Variants in IRGM observed in about 807,000 individuals in gnomAD.
The protein encoded by IRGM is immunity-related GTPase family M protein.
For synonymous variants in IRGM, 98 were observed against 80.6 expected, an observed-to-expected ratio of 1.22 and a Z score of -1.16; for missense variants, 288 against 219.9, an observed-to-expected ratio of 1.31 and a Z score of -1.96.
Position 150,847,863 on chromosome 5 carries a change from C to T in IRGM, c.-261C>T, listed in dbSNP as rs9637876. 60,330 of 421,450 alleles carry T rather than the reference C, an allele frequency of 0.14. 6,606 individuals carry two copies. Among genetic ancestry groups the T allele is most frequent in the East Asian group, 0.4 (8,895 of 22,008 alleles). The allele number at this position is 421,450 out of a possible 1,614,324, so 26.1% of individuals were successfully genotyped here. ...CTGTTGCCAGGCTGGAGTGCAATGG[C>T]GTGATCTCAGCTCACTGCAATATCT... On this transcript the variant is annotated 5_prime_UTR_variant, in exon 2 of 2. Coordinates refer to ENST00000522154, the MANE Select transcript of IRGM (RefSeq NM_001145805.2).
chr5:150,900,951 A>G (rs962318749), downstream of IRGM, among the ~76,000 whole-genome samples: 4 of 152,114 alleles, frequency 2.6e-5, no homozygotes, highest in Admixed American at 2.6e-4. Flanking sequence ...ATAGTACATA[A>G]TCAGTGAAAA....
At chr5:150,894,301 T>G (rs1754673575) in intron 3 of IRGM, 1 of 152,236 alleles carries the variant, frequency 6.6e-6, no homozygotes, top group South Asian at 2.1e-4. Flanking sequence ...CAGGCATTAC[T>G]TCTCACACCA....
At chr5:150,892,904 T>G (rs1040839175) in intron 3 of IRGM, among the ~76,000 whole-genome samples, 1 of 151,972 alleles carries the variant, frequency 6.6e-6, no homozygotes, top group Admixed American at 6.6e-5. Context: ...GCCACAATTT[T>G]CTTGTTTTGT....
intron 3 of IRGM, chr5:150,897,837 C>A: frequency 4.3e-6 from 2 of 461,972 alleles, no homozygotes. Flanking sequence ...CTTCTATTGC[C>A]TTTAAAACCC....
At chr5:150,850,019 T>C (rs1042324325), downstream of IRGM, among the ~76,000 whole-genome samples, 5 of 152,052 alleles carry the variant, frequency 3.3e-5, no homozygotes, top group Non-Finnish European at 7.4e-5. Flanking sequence ...ATATAGTAAA[T>C]AATGTTTCAG....
At chr5:150,896,311 A>G (rs532631577) in intron 3 of IRGM, 1 of 1,613,658 alleles carries the variant, frequency 6.2e-7, no homozygotes, top group South Asian at 1.1e-5. Context: ...ACAAGATGAA[A>G]CTTCTCACTG....
downstream of IRGM, among the ~76,000 whole-genome samples, chr5:150,850,048 G>C (rs899636598): frequency 6.6e-6 from 1 of 152,094 alleles, no homozygotes; most frequent in African/African-American, 2.4e-5. Flanking sequence ...CTGTATAGAT[G>C]GTAAAAGCAT....
chr5:150,882,001 A>G (rs1239651175), intron 3 of IRGM, among the ~76,000 whole-genome samples: 3 of 152,030 alleles, frequency 2.0e-5, no homozygotes, highest in Non-Finnish European at 2.9e-5. Flanking sequence ...GAGAAACATA[A>G]TGAAGCACTG....
chr5:150,854,474 A>T (rs1396349318), intron 1 of IRGM, among the ~76,000 whole-genome samples: 1 of 152,132 alleles, frequency 6.6e-6, no homozygotes, highest in African/African-American at 2.4e-5. Context: ...GGCTGTCTTA[A>T]CACTGATTAT....
At chr5:150,848,705 A>G (rs1024042753), downstream of IRGM, 14 of 1,379,644 alleles carry the variant, frequency 1.0e-5, no homozygotes, top group South Asian at 7.1e-5. Context: ...ATCTCCTCCT[A>G]TTGATTCCTT....
chr5:150,875,992 C>A (rs899640318), intron 1 of IRGM, among the ~76,000 whole-genome samples: 1 of 152,192 alleles, frequency 6.6e-6, no homozygotes, highest in African/African-American at 2.4e-5. Context: ...GCCTTATCCA[C>A]CATCCACCAT....
At chr5:150,893,614 G>A (rs1754655337) in intron 3 of IRGM, among the ~76,000 whole-genome samples, 1 of 152,124 alleles carries the variant, frequency 6.6e-6, no homozygotes, top group African/African-American at 2.4e-5. Context: ...CAGACCATCA[G>A]AGTAAGCCTG....
intron 1 of IRGM, among the ~76,000 whole-genome samples, chr5:150,855,842 CA>C (rs907282438): frequency 9.2e-5 from 14 of 151,990 alleles, no homozygotes; most frequent in African/African-American, 3.1e-4. Context: ...AGGAAGAAGG[CA>C]AAAACACAGA....
At chr5:150,866,267 A>G (rs973105580) in intron 1 of IRGM, among the ~76,000 whole-genome samples, 1 of 152,186 alleles carries the variant, frequency 6.6e-6, no homozygotes, top group Non-Finnish European at 1.5e-5. Flanking sequence ...GAGCCATGGC[A>G]AAGGAAAGAA....
At chr5:150,860,403 G>A (rs1351918987) in intron 1 of IRGM, among the ~76,000 whole-genome samples, 1 of 152,120 alleles carries the variant, frequency 6.6e-6, no homozygotes, top group African/African-American at 2.4e-5. Context: ...TAAACCTGTG[G>A]GTGTTTTCTT....
chr5:150,866,525 C>T (rs1754211228), intron 1 of IRGM, among the ~76,000 whole-genome samples: 1 of 152,096 alleles, frequency 6.6e-6, no homozygotes, highest in East Asian at 1.9e-4. Flanking sequence ...GAAGATGGTA[C>T]AACCCATTGT....
At chr5:150,867,567 T>C (rs183808509) in intron 1 of IRGM, among the ~76,000 whole-genome samples, 6 of 152,316 alleles carry the variant, frequency 3.9e-5, no homozygotes, top group Admixed American at 3.3e-4. Flanking sequence ...CTGTTTTCCA[T>C]AGTGGTTGTA....
chr5:150,855,080 G>A (rs1468128009), intron 1 of IRGM, among the ~76,000 whole-genome samples: 1 of 152,048 alleles, frequency 6.6e-6, no homozygotes, highest in Non-Finnish European at 1.5e-5. Flanking sequence ...GAGGTTCTTA[G>A]CTTACCATTT....
chr5:150,854,344 C>A (rs1010013941), intron 1 of IRGM, among the ~76,000 whole-genome samples: 9 of 152,112 alleles, frequency 5.9e-5, no homozygotes, highest in African/African-American at 2.2e-4. Context: ...TAGTTACAAG[C>A]CAAAATTATA....
Sources: allele counts gnomAD v4.1 joint callset (sites outside exome capture counted in the v4.1 genomes callset), GRCh38; gene constraint gnomAD v4.1.1; transcripts MANE v1.5; gene names NCBI Gene and HGNC (gene_info 2026-07-23, HGNC 2026-07-21).